GRAMD1B: variants seen among roughly 807,000 people sequenced by gnomAD.
GRAMD1B encodes protein Aster-B.
A neutral mutation model predicts 99.7 loss-of-function variants in GRAMD1B; 37 were observed. That is an observed-to-expected ratio of 0.37 (90% CI 0.29 to 0.49). The LOEUF is 0.49. Among genes scored for constraint, GRAMD1B ranks in the 20% least tolerant of loss-of-function variants. The pLI is 0.98. For synonymous variants in GRAMD1B, 427 were observed against 387.6 expected (o/e 1.10, Z -1.19); for missense variants, 888 against 1,009.2 (o/e 0.88, Z 1.63).
At chr11:123,392,766 C>T (rs889511536) in intron 1 of GRAMD1B, among the ~76,000 whole-genome samples, 8 of 152,162 alleles carry the variant, frequency 5.3e-5, no homozygotes, top group African/African-American at 1.9e-4. Context: ...ATACTACTGA[C>T]TAATAGTTAA....
intron 1 of GRAMD1B, among the ~76,000 whole-genome samples, chr11:123,394,756 T>G (rs546921466): frequency 7.2e-5 from 11 of 152,354 alleles, no homozygotes; most frequent in African/African-American, 2.6e-4. Flanking sequence ...GAAGTTTATT[T>G]CTCACAGTTC....
chr11:123,369,993 G>A (rs1248493250), intron 1 of GRAMD1B, among the ~76,000 whole-genome samples: 1 of 152,124 alleles, frequency 6.6e-6, no homozygotes, highest in African/African-American at 2.4e-5. Flanking sequence ...AAGTGCAGAT[G>A]TGAAGGACCC....
intron 1 of GRAMD1B, among the ~76,000 whole-genome samples, chr11:123,451,452 GC>G (rs1268704405): frequency 6.6e-6 from 1 of 152,268 alleles, no homozygotes; most frequent in Middle Eastern, 3.4e-3. Flanking sequence ...TTAATTTAGG[GC>G]CCTTTCTTTG....
At chr11:123,568,573 C>G (rs1268847205) in intron 2 of GRAMD1B, among the ~76,000 whole-genome samples, 1 of 152,198 alleles carries the variant, frequency 6.6e-6, no homozygotes, top group Non-Finnish European at 1.5e-5. Flanking sequence ...AAGGCCCATT[C>G]TGTGTCAGAT....
intron 2 of GRAMD1B, among the ~76,000 whole-genome samples, chr11:123,487,183 C>T (rs1937920377): frequency 6.6e-6 from 1 of 152,134 alleles, no homozygotes; most frequent in Non-Finnish European, 1.5e-5. Flanking sequence ...CAGGTACATG[C>T]CATTATCTGC....
chr11:123,435,786 TA>T, intron 1 of GRAMD1B: 1 of 261,028 alleles, frequency 3.8e-6, no homozygotes, highest in East Asian at 6.8e-5. Context: ...GCTGAGTTTT[TA>T]AAAACAGCTT....
At chr11:123,460,114 T>C (rs976520966) in intron 1 of GRAMD1B, 3 of 151,772 alleles carry the variant, frequency 2.0e-5, no homozygotes, top group African/African-American at 7.3e-5. Flanking sequence ...AAATAAATGG[T>C]TTGTGGATTA....
chr11:123,442,768 C>T (rs1949466818), intron 1 of GRAMD1B, among the ~76,000 whole-genome samples: 1 of 151,254 alleles, frequency 6.6e-6, no homozygotes, highest in Non-Finnish European at 1.5e-5. Context: ...GATACCATCT[C>T]AGAAAAAAAA....
At chr11:123,485,905 G>T (rs1308604691) in intron 2 of GRAMD1B, among the ~76,000 whole-genome samples, 1 of 151,864 alleles carries the variant, frequency 6.6e-6, no homozygotes, top group Non-Finnish European at 1.5e-5. Flanking sequence ...TGGTAGAGAT[G>T]GGGTTTCACC....
chr11:123,553,097 G>C lies in GRAMD1B; in HGVS notation c.453-24270G>C, dbSNP rs79043899. 1.1e-3 allele frequency among the ~76,000 whole-genome samples: 169 copies of C among 152,272 alleles called. 2 individuals carry two copies. The East Asian group carries it at 0.019, about 18-fold the overall frequency. On this transcript the variant is annotated intron_variant, in intron 2 of 19. Coordinates refer to ENST00000635736, the MANE Select transcript of GRAMD1B (RefSeq NM_001387025.1). The stretch of plus-strand genomic sequence containing the variant: ...CTCTGATACCTGGCTCCCACCCCCA[G>C]ACATTCTTGTTTAGTTGGTTATGTA...
intron 1 of GRAMD1B, among the ~76,000 whole-genome samples, chr11:123,462,092 G>A (rs562917634): frequency 2.9e-4 from 44 of 151,224 alleles, no homozygotes; most frequent in Non-Finnish European, 5.7e-4. Flanking sequence ...TCAGCCTCCC[G>A]AGTAGCTGGG....
chr11:123,523,388 A>C (rs185115202), intron 2 of GRAMD1B, among the ~76,000 whole-genome samples: 5 of 152,306 alleles, frequency 3.3e-5, no homozygotes, highest in Admixed American at 3.3e-4. Context: ...TCATTATCTG[A>C]AAATCATGAG....
chr11:123,433,212 AC>A (rs1451278710), intron 1 of GRAMD1B, among the ~76,000 whole-genome samples: 1 of 152,024 alleles, frequency 6.6e-6, no homozygotes, highest in African/African-American at 2.4e-5. Flanking sequence ...CCCTGTCTCT[AC>A]TAAAAATACA....
chr11:123,499,089 C>T (rs892588023), intron 2 of GRAMD1B, among the ~76,000 whole-genome samples: 5 of 151,946 alleles, frequency 3.3e-5, no homozygotes, highest in African/African-American at 1.2e-4. Flanking sequence ...TGGTTGTGAC[C>T]CCAAAATTTA....
rs763285878 is a variant in GRAMD1B, at chr11:123,609,923, G to C, written c.1776+10G>C. On this transcript the variant is annotated intron_variant, in intron 13 of 19. Coordinates refer to ENST00000635736, the MANE Select transcript of GRAMD1B (RefSeq NM_001387025.1). ...TGTCAGGGAGACACAGGTGAGCAGA[G>C]CCGCGGATGCACAGAAGAGCGAGCT... 1.4e-6 allele frequency: 2 copies of C among 1,404,010 alleles called. No homozygotes were observed. The highest frequency in any genetic ancestry group is 2.4e-5 in the South Asian group (2 of 82,288). 87.0% of individuals were successfully genotyped at this position (1,404,010 alleles called of 1,614,324 possible). A position where few individuals can be genotyped will look rare whatever the true frequency, so the allele number is the denominator to read the frequency against.
rs55741849 is a variant in GRAMD1B at position 123,406,046 on chromosome 11, G to A, written c.-176+47247G>A. Among the ~76,000 whole-genome samples, 6 of 143,194 alleles carry A rather than the reference G, an allele frequency of 4.2e-5. No individual in the cohort carries two copies. The East Asian group carries it at 8.3e-4, about 20-fold the overall frequency. The allele number at this position is 143,194 out of a possible 152,430, so 93.9% of individuals were successfully genotyped here. ...TTTTTTTTTTTTGAGACAGAGTCTT[G>A]CTCTGTTGCCCAGGCTGGAGTGCAG... On this transcript the variant is annotated intron_variant, in intron 1 of 20. Coordinates refer to the GRAMD1B transcript ENST00000638157.
chr11:123,383,116 C>A (rs914252128), intron 1 of GRAMD1B, among the ~76,000 whole-genome samples: 1 of 152,044 alleles, frequency 6.6e-6, no homozygotes, highest in Non-Finnish European at 1.5e-5. Flanking sequence ...AATGGTAGGT[C>A]GGGTAAAATC....
chr11:123,618,875 G>C (rs1954783489), intron 18 of GRAMD1B, 75 bp downstream of exon 18: 3 of 810,794 alleles, frequency 3.7e-6, no homozygotes, highest in Admixed American at 2.0e-5. Flanking sequence ...CAGTCTCCTT[G>C]GGACTGCCTC....
intron 2 of GRAMD1B, among the ~76,000 whole-genome samples, chr11:123,487,337 A>C (rs1043857290): frequency 2.6e-5 from 4 of 152,156 alleles, no homozygotes; most frequent in African/African-American, 9.7e-5. Flanking sequence ...CTGCAAGAGG[A>C]GTAGGAGTCT....
Sources: allele counts gnomAD v4.1 joint callset (sites outside exome capture counted in the v4.1 genomes callset), GRCh38; gene constraint gnomAD v4.1.1; transcripts MANE v1.5; gene names NCBI Gene and HGNC (gene_info 2026-07-23, HGNC 2026-07-21).